Variants in OSBPL3 observed in about 807,000 individuals in gnomAD.
The protein encoded by OSBPL3 is oxysterol binding protein like 3.
Under a neutral mutation model 120.1 loss-of-function variants are expected in OSBPL3, and 65 were observed. The observed-to-expected ratio is 0.54, with a 90% CI of 0.44 to 0.67. OSBPL3 has a LOEUF of 0.67. Among genes scored for constraint, OSBPL3 ranks in the 30% least tolerant of loss-of-function variants. OSBPL3 has a pLI of 0.00. For missense variants in OSBPL3, 1,004 were observed against 1,082.1 expected, an observed-to-expected ratio of 0.93 and a Z score of 1.01; for synonymous variants, 416 against 402.6, an observed-to-expected ratio of 1.03 and a Z score of -0.40.
At chr7:24,950,428 C>G (rs1814255425) in intron 1 of OSBPL3, among the ~76,000 whole-genome samples, 1 of 152,190 alleles carries the variant, frequency 6.6e-6, no homozygotes, top group African/African-American at 2.4e-5. Context: ...TAGTTCAATA[C>G]ACAAAACATG....
At position 24,956,502 on chromosome 7, in the gene OSBPL3, G is replaced by A. The variant is rs190179534; in HGVS notation, c.-150+23384C>T. Among the ~76,000 whole-genome samples the A allele has an allele frequency of 6.6e-5, 10 of 152,360 alleles. No individual in the cohort carries two copies. The East Asian group carries it at 1.5e-3, about 23-fold the overall frequency. On this transcript the variant is annotated intron_variant, in intron 1 of 22. Transcript: ENST00000313367. Reference sequence around the variant, plus strand: ...AGAACTGAAGAGTAAAACACTGGAAGAGTAAAGCAGTAGAATTACCATGTT... The same window carrying A: ...AGAACTGAAGAGTAAAACACTGGAAAAGTAAAGCAGTAGAATTACCATGTT...
intron 1 of OSBPL3, among the ~76,000 whole-genome samples, chr7:24,921,473 C>T (rs1157626891): frequency 1.3e-5 from 2 of 152,148 alleles, no homozygotes; most frequent in South Asian, 2.1e-4. Flanking sequence ...TTTTCATAGA[C>T]GTTTGGTCAT....
At chr7:24,807,401 G>A (rs566855273) in intron 20 of OSBPL3, among the ~76,000 whole-genome samples, 1 of 152,240 alleles carries the variant, frequency 6.6e-6, no homozygotes, top group East Asian at 1.9e-4. Context: ...GCTGAGGCAG[G>A]AGAGTGACTT....
At chr7:24,957,123 T>C (rs1256426061) in intron 1 of OSBPL3, among the ~76,000 whole-genome samples, 1 of 152,004 alleles carries the variant, frequency 6.6e-6, no homozygotes, top group East Asian at 1.9e-4. Flanking sequence ...AATAGGCCCA[T>C]TGCTTCCAAT....
At chr7:24,977,134 T>C (rs1345360925) in intron 1 of OSBPL3, among the ~76,000 whole-genome samples, 1 of 152,214 alleles carries the variant, frequency 6.6e-6, no homozygotes. Flanking sequence ...GTATAAAGCA[T>C]TACTGTTCAG....
At chr7:24,838,332 T>C (rs898700026) in intron 14 of OSBPL3, among the ~76,000 whole-genome samples, 2 of 150,162 alleles carry the variant, frequency 1.3e-5, no homozygotes, top group Admixed American at 6.6e-5. Flanking sequence ...CCTGTTTCTA[T>C]TAAAATACAA....
chr7:24,935,017 G>A (rs1395577001), intron 1 of OSBPL3, among the ~76,000 whole-genome samples: 2 of 152,052 alleles, frequency 1.3e-5, no homozygotes, highest in Non-Finnish European at 2.9e-5. Context: ...CAAAAAATAT[G>A]TACAAGGTTG....
In OSBPL3 at chr7:24,871,560, C is replaced by T. The variant is rs116085540; in HGVS notation, c.267+182G>A. The stretch of plus-strand genomic sequence containing the variant: ...CCAGAGAGTGTTGCGGGAGCCCCTG[C>T]ACCTTGACCTGGTGGAAGAACTGAG... On this transcript the variant is annotated intron_variant, in intron 4 of 22. Transcript: ENST00000313367. The surrounding 1 kb of genome is among the most constrained non-coding windows in gnomAD (Gnocchi z 4.8). Among the ~76,000 whole-genome samples, 1,653 of 152,276 alleles carry T rather than the reference C, an allele frequency of 0.011. 37 individuals are homozygous for T. The highest frequency in any genetic ancestry group is 0.038 in the African/African-American group (1,574 of 41,542).
chr7:24,908,780 TTA>T (rs1244158468), intron 1 of OSBPL3, among the ~76,000 whole-genome samples: 6 of 152,250 alleles, frequency 3.9e-5, no homozygotes, highest in Admixed American at 6.5e-5. Flanking sequence ...ATTGGTCTTT[TTA>T]TCTTTGCTCT....
At position 24,849,064 on chromosome 7, in the gene OSBPL3, C is replaced by G. The variant is rs759346302; in HGVS notation, c.1266+5G>C. On this transcript the variant is annotated splice_donor_5th_base_variant and intron_variant, in intron 12 of 22. Coordinates refer to ENST00000313367, the MANE Select transcript of OSBPL3 (RefSeq NM_015550.4). The surrounding 1 kb of genome is among the most constrained non-coding windows in gnomAD (Gnocchi z 5.4). Reference sequence around the variant, plus strand: ...GAGACATTACCAGACGAGAAACCTACCCACCTCTGCCAGATTGTCACCCGA... The same window carrying G: ...GAGACATTACCAGACGAGAAACCTAGCCACCTCTGCCAGATTGTCACCCGA... The G allele has an allele frequency of 2.5e-6, 4 of 1,607,242 alleles. No homozygotes were observed. Among genetic ancestry groups the G allele is most frequent in the African/African-American group, 2.7e-5 (2 of 74,904 alleles).
At chr7:24,909,690 C>T (rs139238686) in intron 1 of OSBPL3, among the ~76,000 whole-genome samples, 1 of 151,930 alleles carries the variant, frequency 6.6e-6, no homozygotes. Flanking sequence ...TCTGTCCTGG[C>T]CAGCTTCCTG....
intron 5 of OSBPL3, 109 bp from the exon 6 acceptor site, chr7:24,866,346 T>C (rs1801317760): frequency 3.6e-6 from 3 of 840,688 alleles, no homozygotes; most frequent in Non-Finnish European, 5.9e-6. Flanking sequence ...AGTTGGCACG[T>C]AATTTCAACA....
chr7:24,944,624 C>CA lies in OSBPL3; in HGVS notation c.-150+35261dup, dbSNP rs34339147. Among the ~76,000 whole-genome samples the CA allele has an allele frequency of 3.1e-3, 412 of 131,882 alleles. 5 individuals are homozygous for CA. The highest frequency in any genetic ancestry group is 0.012 in the East Asian group (56 of 4,488). The allele number at this position is 131,882 out of a possible 152,430, so 86.5% of individuals were successfully genotyped here. On this transcript the variant is annotated intron_variant, in intron 1 of 22. Transcript: ENST00000313367. The stretch of plus-strand genomic sequence containing the variant: ...CATCTTGGGTGAAAGAGCGAGACTC[C>CA]AAAAAAAAAAAAATGCCATGGTGAT...
chr7:24,817,752 C>T lies in OSBPL3; in HGVS notation c.1949-1064G>A, dbSNP rs890057947. ...AACGGGATGAAGGGAACCAAGACAA[C>T]AGACGCGGGGAAGTGAGTGAGCCCA... On this transcript the variant is annotated intron_variant, in intron 17 of 22. Coordinates refer to ENST00000313367, the MANE Select transcript of OSBPL3 (RefSeq NM_015550.4). The surrounding 1 kb of genome is among the most constrained non-coding windows in gnomAD (Gnocchi z 4.0). Among the ~76,000 whole-genome samples, 11 of 152,290 alleles carry T rather than the reference C, an allele frequency of 7.2e-5. No homozygotes were observed. The highest frequency in any genetic ancestry group is 6.2e-4 in the South Asian group (3 of 4,822).
intron 1 of OSBPL3, among the ~76,000 whole-genome samples, chr7:24,923,621 A>G (rs1213446186): frequency 6.6e-6 from 1 of 152,244 alleles, no homozygotes; most frequent in African/African-American, 2.4e-5. Context: ...GGAGTCCCAG[A>G]GAAATACAGA....
At chr7:24,917,286 T>C (rs1383151099) in intron 1 of OSBPL3, among the ~76,000 whole-genome samples, 1 of 151,704 alleles carries the variant, frequency 6.6e-6, no homozygotes, top group East Asian at 1.9e-4. Flanking sequence ...AAGTTCACTA[T>C]ATCAAGGATT....
rs2128479154 is a variant in OSBPL3, at chr7:24,939,191, GA to G, written c.-150+40694del. 6.6e-6 allele frequency among the ~76,000 whole-genome samples: 1 copy of G among 152,314 alleles called. No homozygotes were observed. Among genetic ancestry groups the G allele is most frequent in the East Asian group, 1.9e-4 (1 of 5,186 alleles). On this transcript the variant is annotated intron_variant, in intron 1 of 22. Transcript: ENST00000313367. This position sits in a 1 kb window ranked among gnomAD's most constrained non-coding sequence, Gnocchi z 4.2. ...AACTAAGACATCAAGAATATTCAGA[GA>G]AGGAAGAACAACACTGTCCATAATC...
At chr7:24,865,204 G>A (rs1048305746) in intron 7 of OSBPL3, 138 bp downstream of exon 7, 4 of 836,936 alleles carry the variant, frequency 4.8e-6, no homozygotes, top group Admixed American at 4.5e-5. Context: ...TTGATGATGG[G>A]TGCAACCTTT....
At chr7:24,924,624 T>C (rs1315043417) in intron 1 of OSBPL3, among the ~76,000 whole-genome samples, 3 of 152,236 alleles carry the variant, frequency 2.0e-5, no homozygotes, top group African/African-American at 7.2e-5. Flanking sequence ...TTGAGTTTAA[T>C]GGCTGCTGAT....
Sources: gnomAD v4.1 joint callset for allele counts (sites outside exome capture counted in the v4.1 genomes callset) on GRCh38, gnomAD v4.1.1 for gene constraint, Gnocchi (gnomAD v3.1) non-coding constraint, MANE v1.5 for transcripts, NCBI Gene and HGNC (gene_info 2026-07-23, HGNC 2026-07-21) for gene names.